The following NSMCE2 variants were observed in gnomAD, a reference collection of about 807,000 sequenced individuals.
NSMCE2 encodes NSE2 SUMO ligase component of SMC5/6 complex.
Under a neutral mutation model 23.8 loss-of-function variants are expected in NSMCE2, and 24 were observed. The observed-to-expected ratio is 1.01, with a 90% CI of 0.73 to 1.42. The LOEUF (loss-of-function observed/expected upper bound fraction) is 1.42. Ranked by LOEUF, NSMCE2 falls within the 40% of genes most tolerant of loss-of-function variation. The pLI, the probability that NSMCE2 is intolerant of heterozygous loss-of-function variation, is 0.00. For missense variants in NSMCE2, 284 were observed against 296.5 expected, an observed-to-expected ratio of 0.96 and a Z score of 0.31; for synonymous variants, 92 against 94.1, an observed-to-expected ratio of 0.98 and a Z score of 0.13.
intron 5 of NSMCE2, among the ~76,000 whole-genome samples, chr8:125,329,468 C>T (rs1586778331): frequency 6.6e-6 from 1 of 152,296 alleles, no homozygotes; most frequent in East Asian, 1.9e-4. Flanking sequence ...TTTGAACAAG[C>T]ATCATGTTTT....
chr8:125,355,760 T>C (rs1813243435), intron 5 of NSMCE2, among the ~76,000 whole-genome samples: 1 of 150,220 alleles, frequency 6.7e-6, no homozygotes, highest in Non-Finnish European at 1.5e-5. Flanking sequence ...ATTACAAGTA[T>C]CTTTTCTTCA....
intron 3 of NSMCE2, among the ~76,000 whole-genome samples, chr8:125,145,696 C>G (rs1820638804): frequency 6.6e-6 from 1 of 152,190 alleles, no homozygotes; most frequent in African/African-American, 2.4e-5. Context: ...ATAAAAGTGA[C>G]TTTTGACTTT....
At chr8:125,258,827 A>G (rs1017251148) in intron 5 of NSMCE2, among the ~76,000 whole-genome samples, 5 of 152,348 alleles carry the variant, frequency 3.3e-5, no homozygotes, top group African/African-American at 1.2e-4. Flanking sequence ...CTATTGCCTG[A>G]CATTTCCTTG....
chr8:125,235,413 A>G (rs930629484), intron 5 of NSMCE2, among the ~76,000 whole-genome samples: 2 of 152,202 alleles, frequency 1.3e-5, no homozygotes, highest in Non-Finnish European at 2.9e-5. Context: ...AAAATATTAT[A>G]TAGGATATTT....
At chr8:125,129,654 T>C (rs774661697) in intron 3 of NSMCE2, among the ~76,000 whole-genome samples, 7 of 152,030 alleles carry the variant, frequency 4.6e-5, no homozygotes, top group Non-Finnish European at 8.8e-5. Context: ...CTTATTTACA[T>C]GCAAGTTAAA....
At chr8:125,330,559 C>T (rs927214277) in intron 5 of NSMCE2, among the ~76,000 whole-genome samples, 24 of 152,148 alleles carry the variant, frequency 1.6e-4, no homozygotes, top group Non-Finnish European at 8.8e-5. Context: ...GGGAGGAAGG[C>T]TACCCTTAGA....
intron 5 of NSMCE2, among the ~76,000 whole-genome samples, chr8:125,255,959 G>A (rs1826386911): frequency 6.6e-6 from 1 of 151,996 alleles, no homozygotes; most frequent in Non-Finnish European, 1.5e-5. Context: ...AGAAATAGGT[G>A]GTTTTAAAAA....
chr8:125,316,639 T>TC (rs1180127866), intron 5 of NSMCE2, among the ~76,000 whole-genome samples: 1 of 54,230 alleles, frequency 1.8e-5, no homozygotes, highest in Admixed American at 2.5e-4. Flanking sequence ...CCTTTCTTTA[T>TC]TTCCTTCTTT....
At chr8:125,135,937 G>C (rs1269437559) in intron 3 of NSMCE2, among the ~76,000 whole-genome samples, 1 of 152,130 alleles carries the variant, frequency 6.6e-6, no homozygotes, top group Non-Finnish European at 1.5e-5. Context: ...AATTTCTACA[G>C]AGAAGTCGGC....
chr8:125,266,603 T>C (rs562923434), intron 5 of NSMCE2, among the ~76,000 whole-genome samples: 1 of 152,330 alleles, frequency 6.6e-6, no homozygotes, highest in African/African-American at 2.4e-5. Context: ...TTGGAGAGAA[T>C]AGAATGCTGT....
At chr8:125,336,245 TG>T (rs374606635) in intron 5 of NSMCE2, among the ~76,000 whole-genome samples, 4 of 152,222 alleles carry the variant, frequency 2.6e-5, no homozygotes, top group African/African-American at 9.6e-5. Flanking sequence ...TATTATGTGC[TG>T]GGCATATTAA....
At chr8:125,189,571 A>G (rs764106537) in intron 5 of NSMCE2, among the ~76,000 whole-genome samples, 1 of 152,234 alleles carries the variant, frequency 6.6e-6, no homozygotes, top group Non-Finnish European at 1.5e-5. Context: ...GATTTATTCA[A>G]CTGATCAGAT....
chr8:125,115,590 A>C (rs549673031), intron 3 of NSMCE2, among the ~76,000 whole-genome samples: 1 of 152,352 alleles, frequency 6.6e-6, no homozygotes, highest in African/African-American at 2.4e-5. Flanking sequence ...ATCTCTGCCA[A>C]AAATACAAAA....
At chr8:125,355,380 C>CT (rs1813212148) in intron 5 of NSMCE2, among the ~76,000 whole-genome samples, 2 of 152,176 alleles carry the variant, frequency 1.3e-5, no homozygotes, top group African/African-American at 2.4e-5. Flanking sequence ...GGAGAAAGGA[C>CT]TACACCATCA....
At chr8:125,228,550 T>C (rs1825194678) in intron 5 of NSMCE2, among the ~76,000 whole-genome samples, 1 of 152,318 alleles carries the variant, frequency 6.6e-6, no homozygotes, top group South Asian at 2.1e-4. Flanking sequence ...GAGCTGAGCC[T>C]TGAAGCATGG....
intron 3 of NSMCE2, among the ~76,000 whole-genome samples, chr8:125,111,115 C>G (rs1298677950): frequency 6.6e-6 from 1 of 152,074 alleles, no homozygotes; most frequent in Non-Finnish European, 1.5e-5. Flanking sequence ...GAATCATCAC[C>G]TTTTTAGATC....
chr8:125,206,200 C>T (rs760129072), intron 5 of NSMCE2, among the ~76,000 whole-genome samples: 3 of 152,142 alleles, frequency 2.0e-5, no homozygotes, highest in Middle Eastern at 6.3e-3. Flanking sequence ...GAACAGAAGT[C>T]ACAGGACTTG....
chr8:125,142,927 A>G (rs1820459506), intron 3 of NSMCE2, among the ~76,000 whole-genome samples: 1 of 152,202 alleles, frequency 6.6e-6, no homozygotes, highest in African/African-American at 2.4e-5. Flanking sequence ...ATTTTGCCAC[A>G]CTAATATCTA....
chr8:125,107,328 G>C (rs975380097), intron 3 of NSMCE2, among the ~76,000 whole-genome samples: 1 of 151,460 alleles, frequency 6.6e-6, no homozygotes, highest in African/African-American at 2.4e-5. Flanking sequence ...TGAGTAGCTC[G>C]GATTACAGGT....
Sources: allele counts gnomAD v4.1 joint callset (sites outside exome capture counted in the v4.1 genomes callset), GRCh38; gene constraint gnomAD v4.1.1; transcripts MANE v1.5; gene names NCBI Gene and HGNC (gene_info 2026-07-23, HGNC 2026-07-21).